Variants in STK40 observed in about 807,000 individuals in gnomAD.
The protein encoded by STK40 is serine/threonine kinase 40.
In STK40, 13 loss-of-function variants were observed where a neutral mutation model predicts 47.9. The ratio of observed to expected loss-of-function variants is 0.27; its 90% CI spans 0.18 to 0.43. The LOEUF is 0.43. Ranked by LOEUF, STK40 falls within the 20% of genes least tolerant of loss-of-function variation. The probability of loss-of-function intolerance (pLI) is 1.00; values close to 1 mark genes in which losing one functional copy is unlikely to be tolerated. For missense variants in STK40, 460 were observed against 595.1 expected, an observed-to-expected ratio of 0.77 and a Z score of 2.36; for synonymous variants, 225 against 243.2, an observed-to-expected ratio of 0.93 and a Z score of 0.69.
intron 2 of STK40, 102 bp from the exon 3 acceptor site, chr1:36,358,924 C>T (rs1646829062): frequency 1.5e-6 from 2 of 1,314,442 alleles, no homozygotes; most frequent in Non-Finnish European, 2.2e-6. Flanking sequence ...CAGGAGGGCA[C>T]CATAGCTCAT....
chr1:36,353,706 C>T lies in STK40; in HGVS notation c.623+658G>A, dbSNP rs773425231. Among the ~76,000 whole-genome samples the T allele has an allele frequency of 5.3e-5, 8 of 152,184 alleles. No individual in the cohort carries two copies. The South Asian group carries it at 8.3e-4, about 16-fold the overall frequency. On this transcript the variant is annotated intron_variant, in intron 6 of 10. Transcript: ENST00000373132. ...GCTGTGGGGGCACAAAGGCCAAGCGCGGGCCATCTGCAGGCCATCCCACTC... is the reference window on the plus strand; with the variant it reads ...GCTGTGGGGGCACAAAGGCCAAGCGTGGGCCATCTGCAGGCCATCCCACTC...
intron 1 of STK40, among the ~76,000 whole-genome samples, chr1:36,376,329 C>T (rs1234227567): frequency 1.3e-5 from 2 of 152,082 alleles, no homozygotes; most frequent in African/African-American, 4.8e-5. Context: ...TCTGGTCCAC[C>T]TCAGGCCTCC....
chr1:36,358,637 C>G, intron 3 of STK40, 100 bp downstream of exon 3: 1 of 1,358,202 alleles, frequency 7.4e-7, no homozygotes, highest in South Asian at 1.3e-5. Flanking sequence ...TGGCGCTACT[C>G]TTGTTCACAA....
intron 1 of STK40, among the ~76,000 whole-genome samples, chr1:36,372,060 G>C (rs1646953050): frequency 6.6e-6 from 1 of 152,176 alleles, no homozygotes; most frequent in Non-Finnish European, 1.5e-5. Flanking sequence ...ATCCTTCTTT[G>C]TTCCTGAACA....
intron 1 of STK40, among the ~76,000 whole-genome samples, chr1:36,378,086 G>T (rs1046850825): frequency 6.6e-6 from 1 of 152,232 alleles, no homozygotes; most frequent in Non-Finnish European, 1.5e-5. Flanking sequence ...CTGCATGGTT[G>T]CAAGTCTCCT....
At chr1:36,351,718 G>A (rs187090567) in intron 6 of STK40, among the ~76,000 whole-genome samples, 12 of 107,812 alleles carry the variant, frequency 1.1e-4, no homozygotes, top group Admixed American at 1.0e-3. Flanking sequence ...AGGGAGGTGC[G>A]ACCCCTCGAC....
chr1:36,361,140 C>G, intron 2 of STK40, 81 bp downstream of exon 2: 1 of 1,549,810 alleles, frequency 6.5e-7, no homozygotes, highest in Non-Finnish European at 8.8e-7. Context: ...ACTCTGATGT[C>G]TGTAGGTCAG....
At chr1:36,355,181 G>A (rs534380161) in intron 5 of STK40, 25 bp downstream of exon 5, 1 of 1,609,446 alleles carries the variant, frequency 6.2e-7, no homozygotes, top group East Asian at 2.2e-5. Flanking sequence ...TGGCCAGAAG[G>A]CGCAGCAGCA....
In STK40 at chr1:36,355,376, T is replaced by G. The variant is rs751848863; in HGVS notation, c.400A>C (p.Lys134Gln). 1 of 1,614,166 alleles carries G rather than the reference T, an allele frequency of 6.2e-7. No individual in the cohort carries two copies. Among genetic ancestry groups the G allele is most frequent in the Admixed American group, 1.7e-5 (1 of 60,020 alleles). Residue 134 changes from lysine (K) to glutamine (Q), a missense_variant, in exon 5 of 11, where the codon AAG (lysine) becomes CAG (glutamine). By Grantham distance (53) the Lys-to-Gln change is moderately conservative (BLOSUM62 1). Around this residue, in one of 3 missense-constraint regions of STK40, gnomAD observed 277 missense variants for 358.7 expected, o/e 0.77. Transcript: ENST00000373132. The stretch of plus-strand genomic sequence containing the variant: ...TCCAGGACGAGGCAGATGCGCTTCT[T>G]CATCTTCTTAACCATCCGGCTGGAT... ...TESSRMVKKM[K>Q]KRICLVLDCL...
intron 1 of STK40, among the ~76,000 whole-genome samples, chr1:36,368,321 C>A (rs947443347): frequency 1.1e-4 from 17 of 152,264 alleles, no homozygotes; most frequent in South Asian, 1.0e-3. Context: ...GTCACCCAGA[C>A]TGGAGTGCAG....
At chr1:36,357,656 AC>A (rs561344098) in intron 4 of STK40, among the ~76,000 whole-genome samples, 196 of 152,052 alleles carry the variant, frequency 1.3e-3, no homozygotes, top group South Asian at 8.5e-3. Context: ...TCGCTCTGTC[AC>A]CCAGGCTGGA....
In STK40 at chr1:36,341,730, G is replaced by GTGCT. The variant is rs767015199; in HGVS notation, c.*21_*24dup. ...GCTGGGGCTGGAAGAAGTGGCAGCA[G>GTGCT]TGCTGGTGGCCCCGGCTGAGGCTGT... On this transcript the variant is annotated 3_prime_UTR_variant, in exon 11 of 11. Coordinates refer to ENST00000373132, the MANE Select transcript of STK40 (RefSeq NM_001282547.2). The GTGCT allele has an allele frequency of 1.9e-6, 3 of 1,607,170 alleles. No individual in the cohort carries two copies. The highest frequency in any genetic ancestry group is 2.7e-5 in the African/African-American group (2 of 74,946).
At chr1:36,351,531 G>GACTC in intron 6 of STK40, among the ~76,000 whole-genome samples, 1 of 152,166 alleles carries the variant, frequency 6.6e-6, no homozygotes, top group Non-Finnish European at 1.5e-5. Context: ...GAGCGCCCAT[G>GACTC]ACTCAAGTAA....
At chr1:36,368,011 G>A (rs773827107) in intron 1 of STK40, 9 of 363,922 alleles carry the variant, frequency 2.5e-5, no homozygotes, top group South Asian at 1.1e-4. Context: ...GCAGGATTGC[G>A]GGAGGAGAGC....
At chr1:36,359,808 A>T (rs1257306918) in intron 2 of STK40, among the ~76,000 whole-genome samples, 1 of 152,158 alleles carries the variant, frequency 6.6e-6, no homozygotes, top group Non-Finnish European at 1.5e-5. Flanking sequence ...AGGATGTTCC[A>T]TTCCCTGTCC....
chr1:36,351,038 C>A (rs527636012), intron 6 of STK40, among the ~76,000 whole-genome samples: 1 of 152,274 alleles, frequency 6.6e-6, no homozygotes, highest in Admixed American at 6.5e-5. Context: ...CAGAGTGGGA[C>A]GGAGGGAGGG....
chr1:36,354,143 A>G (rs990932741), intron 6 of STK40, among the ~76,000 whole-genome samples: 1 of 152,160 alleles, frequency 6.6e-6, no homozygotes. Context: ...AGGGAGATCT[A>G]AAGTTCTTCC....
chr1:36,355,152 C>G, intron 5 of STK40, 54 bp downstream of exon 5: 5 of 1,573,344 alleles, frequency 3.2e-6, no homozygotes, highest in Non-Finnish European at 4.4e-6. Flanking sequence ...TCAGCAGCAG[C>G]AAGAAAGGTG....
At chr1:36,384,090 C>T (rs1647064810) in intron 1 of STK40, among the ~76,000 whole-genome samples, 1 of 150,114 alleles carries the variant, frequency 6.7e-6, no homozygotes, top group Non-Finnish European at 1.5e-5. Context: ...AGTGCACTGG[C>T]TTGATCTCGG....
Sources: gnomAD v4.1 joint callset for allele counts (sites outside exome capture counted in the v4.1 genomes callset) on GRCh38, gnomAD v4.1.1 for gene constraint, gnomAD v4.1.1 regional missense constraint, MANE v1.5 for transcripts, NCBI Gene and HGNC (gene_info 2026-07-23, HGNC 2026-07-21) for gene names.